SUPT3H: variants seen among roughly 807,000 people sequenced by gnomAD.
The protein encoded by SUPT3H is transcription initiation protein SPT3 homolog.
SUPT3H carries 44 observed loss-of-function variants against 44.3 expected under a neutral mutation model. The observed-to-expected ratio is 0.99, with a 90% CI of 0.78 to 1.28. The LOEUF (loss-of-function observed/expected upper bound fraction) is 1.28. Ranked by LOEUF, SUPT3H falls within the 50% of genes most tolerant of loss-of-function variation. SUPT3H has a pLI of 0.00. For synonymous variants in SUPT3H, 124 were observed against 125.6 expected, an observed-to-expected ratio of 0.99 and a Z score of 0.09; for missense variants, 380 against 387.1, an observed-to-expected ratio of 0.98 and a Z score of 0.15.
chr6:45,122,261 C>T (rs906422876), intron 2 of SUPT3H, among the ~76,000 whole-genome samples: 16 of 152,026 alleles, frequency 1.1e-4, no homozygotes, highest in Non-Finnish European at 2.1e-4. Context: ...ACAAGGCTGT[C>T]TGTAGCACTT....
intron 2 of SUPT3H, among the ~76,000 whole-genome samples, chr6:45,355,030 A>G (rs140504490): frequency 2.0e-5 from 3 of 152,136 alleles, no homozygotes; most frequent in African/African-American, 7.2e-5. Context: ...GCTAAAGTGC[A>G]GTGGTACGAT....
At chr6:45,053,442 C>T (rs932143254) in intron 3 of SUPT3H, among the ~76,000 whole-genome samples, 1 of 151,880 alleles carries the variant, frequency 6.6e-6, no homozygotes. Context: ...AATACTACCC[C>T]AAAATATGGC....
chr6:45,288,338 T>A (rs1779650864), intron 2 of SUPT3H, among the ~76,000 whole-genome samples: 1 of 151,968 alleles, frequency 6.6e-6, no homozygotes, highest in South Asian at 2.1e-4. Context: ...AGTTTTTGAA[T>A]CAGTAACAGT....
chr6:45,123,231 T>G (rs1304423296), intron 2 of SUPT3H, among the ~76,000 whole-genome samples: 1 of 152,114 alleles, frequency 6.6e-6, no homozygotes, highest in African/African-American at 2.4e-5. Flanking sequence ...CCAAAATTAG[T>G]ACATACCACA....
intron 2 of SUPT3H, among the ~76,000 whole-genome samples, chr6:45,259,883 T>C (rs925213538): frequency 1.3e-5 from 2 of 152,180 alleles, no homozygotes; most frequent in African/African-American, 4.8e-5. Context: ...ATGTCACAGG[T>C]AAATTATAAA....
intron 3 of SUPT3H, among the ~76,000 whole-genome samples, chr6:45,055,927 T>C (rs2153538991): frequency 6.6e-6 from 1 of 152,130 alleles, no homozygotes; most frequent in South Asian, 2.1e-4. Context: ...ACTCTGCATA[T>C]AACAAAGGAC....
chr6:44,823,101 CAAAAA>C (rs5875894), downstream of SUPT3H, among the ~76,000 whole-genome samples: 2 of 113,176 alleles, frequency 1.8e-5, no homozygotes, highest in Admixed American at 9.5e-5. Flanking sequence ...GACTCCGTTT[CAAAAA>C]AAAAAAAAAA....
At chr6:45,067,445 A>T (rs1468801307) in intron 3 of SUPT3H, among the ~76,000 whole-genome samples, 84 of 135,078 alleles carry the variant, frequency 6.2e-4, no homozygotes, top group African/African-American at 2.0e-3. Context: ...AAGGCAACAA[A>T]AGCCAAAATT....
At chr6:45,230,686 A>ATTTTTTTTTTTTTTT (rs1554294714) in intron 2 of SUPT3H, among the ~76,000 whole-genome samples, 1 of 116,820 alleles carries the variant, frequency 8.6e-6, no homozygotes, top group African/African-American at 3.1e-5. Context: ...ATATATATAT[A>ATTTTTTTTTTTTTTT]TTTTTGAGAT....
intron 2 of SUPT3H, among the ~76,000 whole-genome samples, chr6:45,156,948 A>T (rs1019881965): frequency 6.6e-6 from 1 of 152,136 alleles, no homozygotes; most frequent in Admixed American, 6.6e-5. Flanking sequence ...ATCAAGACAC[A>T]TGTGTAAAGA....
chr6:45,238,661 T>A (rs1362537653), intron 2 of SUPT3H, among the ~76,000 whole-genome samples: 1 of 152,222 alleles, frequency 6.6e-6, no homozygotes, highest in Non-Finnish European at 1.5e-5. Context: ...CAGGACTTAG[T>A]AGAATGGCTT....
intron 3 of SUPT3H, among the ~76,000 whole-genome samples, chr6:45,078,779 C>G (rs1795359827): frequency 6.6e-6 from 1 of 152,150 alleles, no homozygotes; most frequent in South Asian, 2.1e-4. Flanking sequence ...TCATTCTCTT[C>G]TGGCCTACAA....
chr6:45,272,811 C>A (rs1776418744), intron 2 of SUPT3H, among the ~76,000 whole-genome samples: 1 of 151,906 alleles, frequency 6.6e-6, no homozygotes, highest in South Asian at 2.1e-4. Flanking sequence ...TGTTATCATT[C>A]TTTGGCCCTC....
chr6:45,173,663 T>G lies in SUPT3H; in HGVS notation c.102-67657A>C, dbSNP rs533738526. 5.3e-5 allele frequency among the ~76,000 whole-genome samples: 8 copies of G among 152,354 alleles called. No individual in the cohort carries two copies. The East Asian group carries it at 1.5e-3, about 29-fold the overall frequency. The stretch of plus-strand genomic sequence containing the variant: ...AAACCAATAACTGTAAACCATACTC[T>G]GTCAACTGAGACTTGGAATCTTGGT... On this transcript the variant is annotated intron_variant, in intron 2 of 10. Transcript: ENST00000371459.
chr6:44,830,322 C>T (rs1768417105), intron 10 of SUPT3H, among the ~76,000 whole-genome samples: 1 of 152,110 alleles, frequency 6.6e-6, no homozygotes, highest in Non-Finnish European at 1.5e-5. Context: ...TAATAGAGGC[C>T]TCTCCTCCTC....
chr6:44,966,735 T>A (rs1776830328), intron 6 of SUPT3H, among the ~76,000 whole-genome samples: 2 of 152,186 alleles, frequency 1.3e-5, no homozygotes, highest in African/African-American at 4.8e-5. Context: ...TTTAAAAGAC[T>A]TACTTTGGCT....
At chr6:44,819,110 C>T (rs1767105123) in intron 11 of SUPT3H, among the ~76,000 whole-genome samples, 1 of 152,118 alleles carries the variant, frequency 6.6e-6, no homozygotes. Context: ...AATTGTAGTG[C>T]ATCCATATGA....
chr6:45,372,143 C>A, intron 1 of SUPT3H: 1 of 478,494 alleles, frequency 2.1e-6, no homozygotes, highest in Non-Finnish European at 2.7e-6. Context: ...CAGTAAAGAG[C>A]TAGGCTCTGG....
At chr6:45,053,786 G>A (rs1055154409) in intron 3 of SUPT3H, among the ~76,000 whole-genome samples, 4 of 149,480 alleles carry the variant, frequency 2.7e-5, no homozygotes, top group Non-Finnish European at 5.9e-5. Context: ...GTGGTGATGG[G>A]CGCCTGTACT....
Sources: allele counts gnomAD v4.1 joint callset (sites outside exome capture counted in the v4.1 genomes callset), GRCh38; gene constraint gnomAD v4.1.1; transcripts MANE v1.5; gene names NCBI Gene and HGNC (gene_info 2026-07-23, HGNC 2026-07-21).